Variants in EIF2AK3 observed in about 807,000 individuals in gnomAD.
EIF2AK3 encodes eukaryotic translation initiation factor 2 alpha kinase 3.
Under a neutral mutation model 113.5 loss-of-function variants are expected in EIF2AK3, and 50 were observed. The ratio of observed to expected loss-of-function variants is 0.44; its 90% CI spans 0.35 to 0.56. EIF2AK3 has a LOEUF of 0.56. EIF2AK3 is among the 20% of genes least tolerant of loss of function. The probability of loss-of-function intolerance (pLI) is 0.00; values close to 1 mark genes in which losing one functional copy is unlikely to be tolerated. For synonymous variants in EIF2AK3, 448 were observed against 495.4 expected (o/e 0.90, Z 1.27); for missense variants, 1,185 against 1,378.0 (o/e 0.86, Z 2.22).
intron 10 of EIF2AK3, 64 bp downstream of exon 10, chr2:88,583,366 G>T: frequency 7.6e-7 from 1 of 1,307,486 alleles, no homozygotes; most frequent in Non-Finnish European, 1.1e-6. Context: ...TAAAAAAAAA[G>T]TTAAACAAGA....
chr2:88,592,763 CAAAA>C (rs149027884), intron 4 of EIF2AK3, among the ~76,000 whole-genome samples: 1 of 104,274 alleles, frequency 9.6e-6, no homozygotes. Context: ...AACTCGGTCT[CAAAA>C]AAAAAAAAAA....
At chr2:88,590,143 G>T (rs1223082943) in intron 6 of EIF2AK3, among the ~76,000 whole-genome samples, 3 of 152,144 alleles carry the variant, frequency 2.0e-5, no homozygotes, top group Non-Finnish European at 2.9e-5. Flanking sequence ...GCTGAGGCAG[G>T]AGAATCGCTT....
At chr2:88,590,004 G>A (rs896016417) in intron 6 of EIF2AK3, among the ~76,000 whole-genome samples, 17 of 152,172 alleles carry the variant, frequency 1.1e-4, no homozygotes, top group Admixed American at 6.5e-4. Flanking sequence ...TTGGGAGGCC[G>A]AGGTGGGTGG....
intron 2 of EIF2AK3, among the ~76,000 whole-genome samples, chr2:88,612,193 C>A (rs1297922259): frequency 6.6e-6 from 1 of 152,162 alleles, no homozygotes; most frequent in Admixed American, 6.5e-5. Context: ...TCTACTTTGC[C>A]ATACCATGCA....
intron 1 of EIF2AK3, among the ~76,000 whole-genome samples, chr2:88,615,491 G>C (rs1675546537): frequency 6.6e-6 from 1 of 152,170 alleles, no homozygotes; most frequent in African/African-American, 2.4e-5. Flanking sequence ...TATAAAAGCA[G>C]CCCCAGAGAT....
intron 2 of EIF2AK3, among the ~76,000 whole-genome samples, chr2:88,602,336 C>A (rs1675170655): frequency 6.6e-6 from 1 of 152,050 alleles, no homozygotes; most frequent in Non-Finnish European, 1.5e-5. Context: ...CTTGGTGAGA[C>A]CAGTGTGTTC....
At chr2:88,613,274 C>A (rs1675497124) in intron 2 of EIF2AK3, among the ~76,000 whole-genome samples, 1 of 152,094 alleles carries the variant, frequency 6.6e-6, no homozygotes, top group African/African-American at 2.4e-5. Flanking sequence ...CCTGGAATTA[C>A]ATTACAAAAA....
intron 10 of EIF2AK3, among the ~76,000 whole-genome samples, chr2:88,582,916 GACATTTTAT>G (rs1373994248): frequency 6.6e-6 from 1 of 152,100 alleles, no homozygotes; most frequent in Non-Finnish European, 1.5e-5. Context: ...CATCAAAGGT[GACATTTTAT>G]ACTTGAGAGA....
At chr2:88,562,790 T>C (rs1178739777) in intron 14 of EIF2AK3, among the ~76,000 whole-genome samples, 2 of 152,252 alleles carry the variant, frequency 1.3e-5, no homozygotes, top group African/African-American at 4.8e-5. Flanking sequence ...AACCCATTTT[T>C]ATGAGAAAAT....
At position 88,575,236 on chromosome 2, in the gene EIF2AK3, C is replaced by T. The variant is rs761841704; in HGVS notation, c.2247G>A (p.Glu749=). ...CTGCATCCACTGACTCACTGATGTC[C>T]TCATGGTCCATTCCTGAGAATTCCA... is the stretch of plus-strand genomic sequence containing the variant. The part of the protein sequence containing the change: ...SPLEFSGMDH[E]DISESVDAAY... Residue 749 remains glutamate (E), a synonymous_variant, in exon 13 of 17, where the codon GAG becomes GAA. Transcript: ENST00000303236. The T allele has an allele frequency of 6.2e-7, 1 of 1,613,580 alleles. No individual in the cohort carries two copies. Among genetic ancestry groups the T allele is most frequent in the Admixed American group, 1.7e-5 (1 of 59,980 alleles).
At chr2:88,608,134 T>C (rs1055090170) in intron 2 of EIF2AK3, among the ~76,000 whole-genome samples, 3 of 114,408 alleles carry the variant, frequency 2.6e-5, no homozygotes, top group African/African-American at 1.6e-4. Context: ...ACTTAAAAAT[T>C]ATTATACAGT....
At chr2:88,580,513 T>TA (rs1187328457) in intron 10 of EIF2AK3, among the ~76,000 whole-genome samples, 1 of 152,184 alleles carries the variant, frequency 6.6e-6, no homozygotes, top group Non-Finnish European at 1.5e-5. Context: ...CAATTATGTG[T>TA]AAGCAGCTCC....
intron 11 of EIF2AK3, among the ~76,000 whole-genome samples, chr2:88,577,053 G>A (rs1674480996): frequency 1.3e-5 from 2 of 150,050 alleles, no homozygotes; most frequent in South Asian, 4.2e-4. Context: ...GCGCAATCTC[G>A]GCTCTCTGCA....
chr2:88,574,396 C>T, intron 13 of EIF2AK3: 8 of 479,658 alleles, frequency 1.7e-5, no homozygotes, highest in African/African-American at 5.8e-5. Context: ...CTTTTTTTTC[C>T]CTCACCTGGA....
chr2:88,574,840 C>T lies in EIF2AK3; in HGVS notation c.2643G>A (p.Lys881=), dbSNP rs1445495309. ...TTEKLQPSSP[K]VYLYIQMQLC... ...GCTGCATTTGAATGTAAAGATACAC[C>T]TTTGGTGAACTGGGCTGGAGTTTTT... Residue 881 remains lysine, a synonymous_variant, in exon 13 of 17, where the codon AAG becomes AAA. Coordinates refer to ENST00000303236, the MANE Select transcript of EIF2AK3 (RefSeq NM_004836.7). 2 of 1,614,142 alleles carry T rather than the reference C, an allele frequency of 1.2e-6. No homozygotes were observed. The highest frequency in any genetic ancestry group is 1.7e-5 in the Admixed American group (1 of 60,018).
chr2:88,592,526 G>A (rs994181354), intron 4 of EIF2AK3, among the ~76,000 whole-genome samples: 2 of 152,170 alleles, frequency 1.3e-5, no homozygotes, highest in African/African-American at 4.8e-5. Context: ...CACTTTGGGA[G>A]TCTGAGGTGG....
At chr2:88,622,050 C>A (rs1224470903) in intron 1 of EIF2AK3, among the ~76,000 whole-genome samples, 1 of 152,016 alleles carries the variant, frequency 6.6e-6, no homozygotes, top group Non-Finnish European at 1.5e-5. Context: ...ACGTGTGCCA[C>A]CATGCCTGGC....
At chr2:88,598,705 G>C (rs890351549) in intron 2 of EIF2AK3, among the ~76,000 whole-genome samples, 5 of 152,166 alleles carry the variant, frequency 3.3e-5, no homozygotes, top group Non-Finnish European at 7.4e-5. Flanking sequence ...ACTAGGCATA[G>C]AGGATGCTAT....
intron 1 of EIF2AK3, among the ~76,000 whole-genome samples, chr2:88,625,813 T>C (rs879155496): frequency 1.3e-5 from 2 of 152,322 alleles, no homozygotes; most frequent in Admixed American, 1.3e-4. Context: ...ACTGACTCAT[T>C]AGCAAACCTA....
Sources: gnomAD v4.1 joint callset for allele counts (sites outside exome capture counted in the v4.1 genomes callset) on GRCh38, gnomAD v4.1.1 for gene constraint, MANE v1.5 for transcripts, NCBI Gene and HGNC (gene_info 2026-07-23, HGNC 2026-07-21) for gene names.